Variants in STK24 observed in about 807,000 individuals in gnomAD.
STK24 encodes the protein serine/threonine-protein kinase 24.
STK24 carries 21 observed loss-of-function variants against 55.6 expected under a neutral mutation model. The ratio of observed to expected loss-of-function variants is 0.38; its 90% CI spans 0.27 to 0.54. The LOEUF (loss-of-function observed/expected upper bound fraction) is 0.54. Among genes scored for constraint, STK24 ranks in the 20% least tolerant of loss-of-function variants. The pLI is 0.79. For missense variants in STK24, 383 were observed against 538.4 expected (o/e 0.71, Z 2.86); for synonymous variants, 200 against 215.2 (o/e 0.93, Z 0.62).
intron 2 of STK24, among the ~76,000 whole-genome samples, chr13:98,495,252 TTTA>T (rs1333069441): frequency 6.6e-6 from 1 of 152,242 alleles, no homozygotes; most frequent in Admixed American, 6.5e-5. Flanking sequence ...TAAGTCTCCT[TTTA>T]TTACTTACCT....
chr13:98,543,494 A>G (rs1488498545), intron 1 of STK24, among the ~76,000 whole-genome samples: 1 of 152,238 alleles, frequency 6.6e-6, no homozygotes, highest in African/African-American at 2.4e-5. Flanking sequence ...AAAGGCACAC[A>G]CTACGAAAGG....
chr13:98,529,519 C>G (rs1234591701), intron 1 of STK24, among the ~76,000 whole-genome samples: 1 of 152,194 alleles, frequency 6.6e-6, no homozygotes, highest in Non-Finnish European at 1.5e-5. Context: ...CCCAAAGCTC[C>G]TTTCTAATCC....
intron 2 of STK24, among the ~76,000 whole-genome samples, chr13:98,503,302 C>T (rs1895559167): frequency 6.6e-6 from 1 of 152,132 alleles, no homozygotes; most frequent in Non-Finnish European, 1.5e-5. Context: ...CAGTCACCAG[C>T]CATGCCAACA....
chr13:98,503,494 T>A (rs1299657394), intron 2 of STK24, among the ~76,000 whole-genome samples: 1 of 152,202 alleles, frequency 6.6e-6, no homozygotes, highest in Non-Finnish European at 1.5e-5. Context: ...CTGCCTCACA[T>A]TAAAGTGGCT....
At chr13:98,563,452 G>A (rs529498775) in intron 1 of STK24, among the ~76,000 whole-genome samples, 2 of 152,134 alleles carry the variant, frequency 1.3e-5, no homozygotes, top group Admixed American at 6.5e-5. Flanking sequence ...CAGATTCTTC[G>A]ATAACAAAGG....
chr13:98,493,365 C>T (rs187285434), intron 2 of STK24, among the ~76,000 whole-genome samples: 6 of 152,272 alleles, frequency 3.9e-5, no homozygotes, highest in Admixed American at 3.3e-4. Flanking sequence ...AAACATTCTG[C>T]TTAAACTTAA....
At position 98,529,588 on chromosome 13, in the gene STK24, T is replaced by C. The variant is rs377199210; in HGVS notation, c.43-10115A>G. The stretch of plus-strand genomic sequence containing the variant: ...TACTGTCTACAAGCGCCAAAGGTCA[T>C]ATACAGTATGAGTCCCTTTATAGAA... On this transcript the variant is annotated intron_variant, in intron 1 of 10. Transcript: ENST00000539966. Among the ~76,000 whole-genome samples, 23 of 152,320 alleles carry C rather than the reference T, an allele frequency of 1.5e-4. No homozygotes were observed. In the East Asian group the frequency reaches 4.3e-3, roughly 28 times the overall value.
At chr13:98,499,959 AATCT>A in intron 2 of STK24, among the ~76,000 whole-genome samples, 1 of 152,312 alleles carries the variant, frequency 6.6e-6, no homozygotes, top group South Asian at 2.1e-4. Flanking sequence ...TCAATCTCTC[AATCT>A]GTTGCTGAAG....
chr13:98,493,895 T>C (rs898079613), intron 2 of STK24, among the ~76,000 whole-genome samples: 3 of 148,208 alleles, frequency 2.0e-5, no homozygotes, highest in African/African-American at 7.5e-5. Context: ...TGGAGTGGAG[T>C]GCAGTGGTGC....
intron 2 of STK24, among the ~76,000 whole-genome samples, chr13:98,492,070 C>T (rs961219308): frequency 2.6e-5 from 2 of 76,726 alleles, no homozygotes; most frequent in Admixed American, 1.5e-4. Flanking sequence ...CTTTAAAGTG[C>T]GTGCGCGTGT....
At chr13:98,512,589 T>TAA (rs1248688301) in intron 2 of STK24, among the ~76,000 whole-genome samples, 14 of 129,524 alleles carry the variant, frequency 1.1e-4, no homozygotes, top group East Asian at 1.0e-3. Flanking sequence ...TTTTTTTTTT[T>TAA]AAAAAGGGAA....
chr13:98,453,245 T>C, intron 10 of STK24, 36 bp from the exon 11 acceptor site: 1 of 1,602,750 alleles, frequency 6.2e-7, no homozygotes, highest in Non-Finnish European at 8.5e-7. Context: ...TCAACACATG[T>C]CATTTCTCAT....
At chr13:98,454,107 T>C (rs1893335721) in intron 10 of STK24, 1 of 152,182 alleles carries the variant, frequency 6.6e-6, no homozygotes, top group African/African-American at 2.4e-5. Flanking sequence ...CTAAATTAAG[T>C]ACTATAGAAA....
chr13:98,463,598 A>C, intron 7 of STK24, 93 bp downstream of exon 7: 2 of 1,419,848 alleles, frequency 1.4e-6, no homozygotes, highest in Non-Finnish European at 1.9e-6. Context: ...AAAAAAAAAA[A>C]ACTCAACAGA....
chr13:98,570,636 C>T (rs768749717), intron 1 of STK24, among the ~76,000 whole-genome samples: 5 of 152,112 alleles, frequency 3.3e-5, no homozygotes, highest in Admixed American at 6.6e-5. Context: ...TCCCTGGGTG[C>T]GCATAAAGTG....
chr13:98,549,773 C>T (rs1299531905), intron 1 of STK24, among the ~76,000 whole-genome samples: 2 of 152,216 alleles, frequency 1.3e-5, no homozygotes, highest in Admixed American at 6.5e-5. Context: ...AACAGAAGAA[C>T]AGCCTGAGAC....
At chr13:98,570,305 C>G (rs1168209027) in intron 1 of STK24, among the ~76,000 whole-genome samples, 1 of 152,164 alleles carries the variant, frequency 6.6e-6, no homozygotes, top group East Asian at 1.9e-4. Flanking sequence ...CTTTCCCAAC[C>G]AACCTTACAA....
At chr13:98,499,807 C>A (rs1429123597) in intron 2 of STK24, among the ~76,000 whole-genome samples, 2 of 152,234 alleles carry the variant, frequency 1.3e-5, no homozygotes, top group African/African-American at 2.4e-5. Context: ...CTGCATTCCA[C>A]ACTCCCAACG....
intron 1 of STK24, among the ~76,000 whole-genome samples, chr13:98,524,920 C>A (rs993506198): frequency 6.6e-6 from 1 of 152,248 alleles, no homozygotes; most frequent in Non-Finnish European, 1.5e-5. Flanking sequence ...TGCTCAAGCA[C>A]GGCGACTTTC....
Sources: gnomAD v4.1 joint callset for allele counts (sites outside exome capture counted in the v4.1 genomes callset) on GRCh38, gnomAD v4.1.1 for gene constraint, MANE v1.5 for transcripts, NCBI Gene and HGNC (gene_info 2026-07-23, HGNC 2026-07-21) for gene names.